Variants in DDX60 observed in about 807,000 individuals in gnomAD.
The protein encoded by DDX60 is probable ATP-dependent RNA helicase DDX60.
In DDX60, 165 loss-of-function variants were observed where a neutral mutation model predicts 212.8. The observed-to-expected ratio is 0.78, with a 90% confidence interval of 0.68 to 0.88. The LOEUF (loss-of-function observed/expected upper bound fraction) is 0.88. Ranked by LOEUF, DDX60 falls within the 40% of genes least tolerant of loss-of-function variation. The pLI, the probability that DDX60 is intolerant of heterozygous loss-of-function variation, is 0.00. For synonymous variants in DDX60, 703 were observed against 685.3 expected (o/e 1.03, Z -0.40); for missense variants, 1,905 against 2,003.9 (o/e 0.95, Z 0.94).
intron 10 of DDX60, among the ~76,000 whole-genome samples, chr4:168,286,389 TACACACACAC>T (rs71867661): frequency 7.5e-6 from 1 of 133,662 alleles, no homozygotes; most frequent in Non-Finnish European, 1.6e-5. Context: ...CTTGATTTTA[TACACACACAC>T]ACACACACAC....
chr4:168,276,739 T>C (rs1346817967), intron 14 of DDX60, among the ~76,000 whole-genome samples: 3 of 152,322 alleles, frequency 2.0e-5, no homozygotes, highest in Admixed American at 6.5e-5. Context: ...TCATACTTAT[T>C]ATGTCAGGGT....
intron 26 of DDX60, among the ~76,000 whole-genome samples, chr4:168,254,015 G>A (rs376752965): frequency 7.9e-4 from 121 of 152,288 alleles, no homozygotes; most frequent in Admixed American, 1.6e-3. Flanking sequence ...AGGGGAGAAC[G>A]CTCTGACTAT....
At position 168,246,526 on chromosome 4, in the gene DDX60, T is replaced by C; in HGVS notation, c.4056A>G (p.Lys1352=). 6.2e-7 allele frequency: 1 copy of C among 1,614,050 alleles called. No individual in the cohort carries two copies. Among genetic ancestry groups the C allele is most frequent in the Non-Finnish European group, 8.5e-7 (1 of 1,179,972 alleles). The part of the protein sequence containing the change: ...IPFPKIGKLI[K]SNVPELRGHF... ...GTCCTCTCAGCTCAGGAACATTGGA[T>C]TTTATGAGTTTTCCTATTTTGGGGA... Residue 1352 remains lysine, a synonymous_variant, in exon 30 of 38, where the codon AAA becomes AAG. Transcript: ENST00000393743.
chr4:168,266,123 T>C (rs975807920), intron 22 of DDX60, among the ~76,000 whole-genome samples: 1 of 152,304 alleles, frequency 6.6e-6, no homozygotes, highest in African/African-American at 2.4e-5. Flanking sequence ...TGTTTGAGAT[T>C]GTATCCTGGC....
In DDX60 at chr4:168,255,777, T is replaced by G; in HGVS notation, c.3491A>C (p.Lys1164Thr). Residue 1164 changes from lysine (K) to threonine (T), a missense_variant, in exon 26 of 38, where the codon AAA (lysine) becomes ACA (threonine). Transcript: ENST00000393743. ...TTTGTTAGCCATGACATGGGCTTCT[T>G]TATCAGCTTTGGGAGGCCTTTTTGT... ...QETKRPPKAD[K>T]EAHVMANKLR... 1 of 1,607,078 alleles carries G rather than the reference T, an allele frequency of 6.2e-7. No individual in the cohort carries two copies. The highest frequency in any genetic ancestry group is 8.5e-7 in the Non-Finnish European group (1 of 1,178,366).
intron 6 of DDX60, among the ~76,000 whole-genome samples, chr4:168,299,567 T>TA (rs879813717): frequency 2.6e-4 from 39 of 149,136 alleles, no homozygotes; most frequent in East Asian, 5.9e-4. Context: ...AACCTGATCA[T>TA]AAAAAAAAAC....
chr4:168,225,862 T>C lies in DDX60; in HGVS notation c.4534-186A>G, dbSNP rs191473833. ...CAGGTAACTTCATGTTTTGTTTCTATTTGCAATTATGAAAACAAATACCTT... is the reference window on the plus strand; with the variant it reads ...CAGGTAACTTCATGTTTTGTTTCTACTTGCAATTATGAAAACAAATACCTT... On this transcript the variant is annotated intron_variant, in intron 33 of 37. Coordinates refer to ENST00000393743, the MANE Select transcript of DDX60 (RefSeq NM_017631.6). Among the ~76,000 whole-genome samples the C allele has an allele frequency of 1.7e-3, 263 of 152,246 alleles. 1 individual carries two copies. Among genetic ancestry groups the C allele is most frequent in the African/African-American group, 5.9e-3 (246 of 41,586 alleles).
At chr4:168,262,808 A>T in intron 22 of DDX60, 21 bp from the exon 23 acceptor site, 3 of 1,489,232 alleles carry the variant, frequency 2.0e-6, no homozygotes, top group Non-Finnish European at 2.7e-6. Context: ...TAAAATTAAA[A>T]TTTTTACTCT....
At chr4:168,307,295 T>C (rs1236301968) in intron 4 of DDX60, among the ~76,000 whole-genome samples, 1 of 152,248 alleles carries the variant, frequency 6.6e-6, no homozygotes, top group Non-Finnish European at 1.5e-5. Context: ...CAAAGCTCTT[T>C]ACCTTTAGGT....
At chr4:168,278,047 T>C (rs1166951554) in intron 14 of DDX60, among the ~76,000 whole-genome samples, 2 of 152,118 alleles carry the variant, frequency 1.3e-5, no homozygotes, top group African/African-American at 2.4e-5. Flanking sequence ...TCAGTGTTGG[T>C]GTTCAAATAA....
Position 168,236,338 on chromosome 4 carries a change from G to C in DDX60, c.4447C>G (p.Leu1483Val). Residue 1483 changes from leucine (L) to valine (V), a missense_variant, in exon 33 of 38, where the codon CTA (leucine) becomes GTA (valine). Coordinates refer to ENST00000393743, the MANE Select transcript of DDX60 (RefSeq NM_017631.6). ...AAGAGATGTGCCAATACTAATACTA[G>C]CTTTTCCATAACGTCTTGAGAAAAA... Reference protein sequence around the residue: ...KHFSQDVMEKLVLVLAHLFGR... With the variant: ...KHFSQDVMEKVVLVLAHLFGR... 6.2e-7 allele frequency: 1 copy of C among 1,609,278 alleles called. No homozygotes were observed. The highest frequency in any genetic ancestry group is 8.5e-7 in the Non-Finnish European group (1 of 1,177,682).
chr4:168,268,076 T>C (rs1734928984), intron 20 of DDX60, 93 bp from the exon 21 acceptor site: 2 of 1,124,506 alleles, frequency 1.8e-6, no homozygotes, highest in Non-Finnish European at 1.3e-6. Context: ...TCATCTTCCT[T>C]ATAAAGTGTA....
chr4:168,311,342 C>T lies in DDX60; in HGVS notation c.-83G>A, dbSNP rs967450290. 1.4e-6 allele frequency: 2 copies of T among 1,457,416 alleles called. No individual in the cohort carries two copies. Among genetic ancestry groups the T allele is most frequent in the Non-Finnish European group, 1.9e-6 (2 of 1,057,888 alleles). 90.3% of individuals were successfully genotyped at this position (1,457,416 alleles called of 1,614,324 possible). A position where few individuals can be genotyped will look rare whatever the true frequency, so the allele number is the denominator to read the frequency against. On this transcript the variant is annotated 5_prime_UTR_variant, in exon 2 of 38. Coordinates refer to ENST00000393743, the MANE Select transcript of DDX60 (RefSeq NM_017631.6). The stretch of plus-strand genomic sequence containing the variant: ...CCTTTATTTTGGTACCTCTAAGTGG[C>T]AGTTCTTAATGAAAATGGCAGTCCT...
At chr4:168,294,506 A>G (rs898734643) in intron 6 of DDX60, among the ~76,000 whole-genome samples, 1 of 151,796 alleles carries the variant, frequency 6.6e-6, no homozygotes, top group South Asian at 2.1e-4. Context: ...TTATTTATTT[A>G]TTTATTTATT....
chr4:168,321,265 C>G (rs1212875710), upstream of DDX60, among the ~76,000 whole-genome samples: 1 of 152,246 alleles, frequency 6.6e-6, no homozygotes, highest in East Asian at 1.9e-4. Context: ...TACACTTTAA[C>G]CTCTGAGGAC....
chr4:168,280,298 C>A (rs1735531246), intron 14 of DDX60, 37 bp downstream of exon 14: 4 of 1,571,256 alleles, frequency 2.5e-6, no homozygotes, highest in Non-Finnish European at 3.4e-6. Context: ...TGTATTAATT[C>A]TCCAACTCAC....
At chr4:168,307,955 A>T (rs747487356) in intron 4 of DDX60, 51 bp downstream of exon 4, 14 of 1,150,628 alleles carry the variant, frequency 1.2e-5, no homozygotes, top group Non-Finnish European at 1.7e-5. Context: ...AATTTAGGAA[A>T]TTTTAGTTTT....
intron 28 of DDX60, among the ~76,000 whole-genome samples, chr4:168,249,175 A>G (rs1384046445): frequency 6.6e-6 from 1 of 152,196 alleles, no homozygotes; most frequent in Non-Finnish European, 1.5e-5. Flanking sequence ...ATTTGTTGAG[A>G]TTATGCCTAT....
intron 34 of DDX60, 60 bp downstream of exon 34, chr4:168,225,469 T>C (rs1239630722): frequency 6.7e-7 from 1 of 1,493,908 alleles, no homozygotes; most frequent in African/African-American, 1.4e-5. Flanking sequence ...GAATAAACTA[T>C]TCTTAGGCAA....
Sources: allele counts gnomAD v4.1 joint callset (sites outside exome capture counted in the v4.1 genomes callset), GRCh38; gene constraint gnomAD v4.1.1; transcripts MANE v1.5; gene names NCBI Gene and HGNC (gene_info 2026-07-23, HGNC 2026-07-21).